Variants in ALK observed in about 807,000 individuals in gnomAD.
ALK encodes ALK tyrosine kinase receptor.
A neutral mutation model predicts 163.1 loss-of-function variants in ALK; 74 were observed. That is an observed-to-expected ratio of 0.45 (90% CI 0.38 to 0.55). The LOEUF (loss-of-function observed/expected upper bound fraction) is 0.55. Ranked by LOEUF, ALK falls within the 20% of genes least tolerant of loss-of-function variation. The pLI is 0.00. For synonymous variants in ALK, 960 were observed against 843.2 expected (o/e 1.14, Z -2.40); for missense variants, 2,063 against 2,105.3 (o/e 0.98, Z 0.39).
chr2:29,842,185 G>A (rs1654569374), intron 1 of ALK, among the ~76,000 whole-genome samples: 1 of 151,974 alleles, frequency 6.6e-6, no homozygotes, highest in African/African-American at 2.4e-5. Flanking sequence ...GTTAAATATG[G>A]CAGATACATC....
intron 8 of ALK, among the ~76,000 whole-genome samples, chr2:29,316,472 G>A (rs1281318931): frequency 6.6e-5 from 10 of 151,848 alleles, no homozygotes; most frequent in Admixed American, 6.5e-4. Context: ...TTAAGCTATT[G>A]ATCAACTCAA....
In ALK at chr2:29,193,755, C is replaced by A. The variant is rs2148138685; in HGVS notation, c.4332G>T (p.Leu1444=). The change falls in exon 29 of 29, where the codon CTG becomes CTT. Residue 1444 remains leucine (L), a synonymous_variant. Transcript: ENST00000389048. ...EERSPAAPPP[L]PTTSSGKAAK... Reference sequence around the variant, plus strand: ...CAGCCTTGCCAGAGGAGGTGGTAGGCAGAGGTGGTGGGGCAGCTGGGCTGC... The same window carrying A: ...CAGCCTTGCCAGAGGAGGTGGTAGGAAGAGGTGGTGGGGCAGCTGGGCTGC... 6.3e-7 allele frequency: 1 copy of A among 1,597,446 alleles called. No individual in the cohort carries two copies. The highest frequency in any genetic ancestry group is 8.5e-7 in the Non-Finnish European group (1 of 1,170,740).
chr2:29,374,846 T>C (rs1668716727), intron 5 of ALK, among the ~76,000 whole-genome samples: 1 of 152,166 alleles, frequency 6.6e-6, no homozygotes, highest in African/African-American at 2.4e-5. Flanking sequence ...GTTTTTAAAA[T>C]GGAGTTGAAC....
chr2:29,486,385 A>G (rs1174893779), intron 4 of ALK, among the ~76,000 whole-genome samples: 3 of 152,226 alleles, frequency 2.0e-5, no homozygotes, highest in African/African-American at 7.2e-5. Flanking sequence ...GTTTGGTATG[A>G]AATGAGTGCT....
chr2:29,830,994 GAAGAAGA>G, intron 1 of ALK, among the ~76,000 whole-genome samples: 1 of 53,558 alleles, frequency 1.9e-5, no homozygotes, highest in Admixed American at 3.6e-4. Flanking sequence ...AGAAGAAGAA[GAAGAAGA>G]AGAAGAAGAA....
At chr2:29,797,751 G>A (rs1664355934) in intron 1 of ALK, among the ~76,000 whole-genome samples, 1 of 151,984 alleles carries the variant, frequency 6.6e-6, no homozygotes, top group African/African-American at 2.4e-5. Flanking sequence ...CCATATCCAT[G>A]CACAAAGTAG....
chr2:29,803,698 A>G (rs1273830792), intron 1 of ALK, among the ~76,000 whole-genome samples: 1 of 152,222 alleles, frequency 6.6e-6, no homozygotes, highest in Non-Finnish European at 1.5e-5. Flanking sequence ...TGTAGAATAA[A>G]CATTGTCTCG....
intron 9 of ALK, among the ~76,000 whole-genome samples, chr2:29,287,781 T>C (rs1196167379): frequency 1.3e-5 from 2 of 151,518 alleles, no homozygotes; most frequent in Non-Finnish European, 2.9e-5. Flanking sequence ...CCCTTTTCTC[T>C]GGCCTTGGAA....
At chr2:29,488,783 T>C (rs1671836415) in intron 4 of ALK, among the ~76,000 whole-genome samples, 2 of 152,080 alleles carry the variant, frequency 1.3e-5, no homozygotes, top group African/African-American at 2.4e-5. Flanking sequence ...TAGCAGAAAA[T>C]AGAGTTAGTC....
chr2:29,455,662 C>A (rs1287561648), intron 4 of ALK, among the ~76,000 whole-genome samples: 1 of 152,190 alleles, frequency 6.6e-6, no homozygotes, highest in Non-Finnish European at 1.5e-5. Context: ...CCAGGGGGAA[C>A]CTTCCTCCGG....
At chr2:29,692,350 C>T (rs1678423758) in intron 3 of ALK, among the ~76,000 whole-genome samples, 1 of 152,196 alleles carries the variant, frequency 6.6e-6, no homozygotes, top group South Asian at 2.1e-4. Flanking sequence ...GACCCTCTCA[C>T]CCAGCAATTC....
intron 1 of ALK, among the ~76,000 whole-genome samples, chr2:29,721,741 C>G (rs547595146): frequency 6.6e-6 from 1 of 152,204 alleles, no homozygotes; most frequent in African/African-American, 2.4e-5. Flanking sequence ...CCTGCATCAA[C>G]AATTTTCCCT....
rs184367402 is a variant in ALK at position 29,901,798 on chromosome 2, A to G, written c.667+18195T>C. Reference sequence around the variant, plus strand: ...AAGATCGCCGTATCTTCTGGTGAACATTCTCGATCACCTTAATCCCTTCAC... The same window carrying G: ...AAGATCGCCGTATCTTCTGGTGAACGTTCTCGATCACCTTAATCCCTTCAC... On this transcript the variant is annotated intron_variant, in intron 1 of 28. Coordinates refer to ENST00000389048, the MANE Select transcript of ALK (RefSeq NM_004304.5). 8.5e-5 allele frequency among the ~76,000 whole-genome samples: 13 copies of G among 152,304 alleles called. No homozygotes were observed. In the East Asian group the frequency reaches 1.7e-3, roughly 20 times the overall value.
At chr2:29,607,281 C>T (rs754563916) in intron 3 of ALK, among the ~76,000 whole-genome samples, 15 of 152,040 alleles carry the variant, frequency 9.9e-5, no homozygotes, top group African/African-American at 2.2e-4. Flanking sequence ...AGAACTGCAG[C>T]GGGCAGAGGA....
At chr2:29,737,247 T>C (rs1558466138) in intron 1 of ALK, among the ~76,000 whole-genome samples, 1 of 151,934 alleles carries the variant, frequency 6.6e-6, no homozygotes, top group Non-Finnish European at 1.5e-5. Context: ...TACATGAAAA[T>C]GTTAGGGGTA....
chr2:29,414,970 G>T (rs1669831145), intron 4 of ALK, among the ~76,000 whole-genome samples: 1 of 151,878 alleles, frequency 6.6e-6, no homozygotes, highest in Admixed American at 6.6e-5. Context: ...TGGAGGTGTG[G>T]CTCCAGGCCC....
chr2:29,550,657 C>CTACA (rs1272263704), intron 3 of ALK, among the ~76,000 whole-genome samples: 1 of 152,136 alleles, frequency 6.6e-6, no homozygotes, highest in Admixed American at 6.5e-5. Context: ...CAATGTCAGA[C>CTACA]TACATCTCAA....
intron 1 of ALK, among the ~76,000 whole-genome samples, chr2:29,896,745 T>C (rs1221710054): frequency 2.0e-5 from 3 of 152,160 alleles, no homozygotes; most frequent in South Asian, 2.1e-4. Context: ...TAAAAGTTCA[T>C]TGTAAGAAGA....
intron 3 of ALK, among the ~76,000 whole-genome samples, chr2:29,638,998 C>T (rs1345316230): frequency 6.6e-6 from 1 of 152,154 alleles, no homozygotes; most frequent in African/African-American, 2.4e-5. Flanking sequence ...TTATTGAAAA[C>T]AAATAGGGCT....
Sources: gnomAD v4.1 joint callset for allele counts (sites outside exome capture counted in the v4.1 genomes callset) on GRCh38, gnomAD v4.1.1 for gene constraint, MANE v1.5 for transcripts, NCBI Gene and HGNC (gene_info 2026-07-23, HGNC 2026-07-21) for gene names.